Variants in ITPK1 observed in about 807,000 individuals in gnomAD.
ITPK1 encodes the protein inositol-tetrakisphosphate 1-kinase.
Under a neutral mutation model 45.3 loss-of-function variants are expected in ITPK1, and 21 were observed. That is an observed-to-expected ratio of 0.46 (90% CI 0.33 to 0.67). The LOEUF (loss-of-function observed/expected upper bound fraction) is 0.67. Ranked by LOEUF, ITPK1 falls within the 30% of genes least tolerant of loss-of-function variation. The pLI, the probability that ITPK1 is intolerant of heterozygous loss-of-function variation, is 0.02. For synonymous variants in ITPK1, 258 were observed against 253.6 expected (o/e 1.02, Z -0.16); for missense variants, 474 against 573.5 (o/e 0.83, Z 1.77).
chr14:92,964,252 C>T (rs1885231830), intron 5 of ITPK1, among the ~76,000 whole-genome samples: 1 of 152,180 alleles, frequency 6.6e-6, no homozygotes. Context: ...GACAGTGTTG[C>T]AGGCCCTCTG....
chr14:92,975,038 T>C (rs187507296), intron 5 of ITPK1, among the ~76,000 whole-genome samples: 264 of 152,286 alleles, frequency 1.7e-3, no homozygotes, highest in Non-Finnish European at 3.2e-3. Flanking sequence ...CTCCTGAGTG[T>C]TGGCATGCCT....
At chr14:92,984,232 AG>A (rs1886380262) in intron 5 of ITPK1, among the ~76,000 whole-genome samples, 1 of 152,232 alleles carries the variant, frequency 6.6e-6, no homozygotes, top group South Asian at 2.1e-4. Flanking sequence ...ACACTAATAC[AG>A]GGAACTCAAG....
chr14:92,955,396 G>A (rs1343676182), intron 8 of ITPK1, among the ~76,000 whole-genome samples: 2 of 152,212 alleles, frequency 1.3e-5, no homozygotes, highest in Admixed American at 6.5e-5. Flanking sequence ...GAGGGAACCT[G>A]CATAAAGCTG....
intron 2 of ITPK1, among the ~76,000 whole-genome samples, chr14:93,106,150 C>G (rs757273945): frequency 1.3e-5 from 2 of 152,044 alleles, no homozygotes; most frequent in African/African-American, 2.4e-5. Context: ...GAAAGGTCAG[C>G]TGACCCACCC....
intron 5 of ITPK1, among the ~76,000 whole-genome samples, chr14:92,981,582 T>G (rs1343304245): frequency 6.6e-6 from 1 of 152,066 alleles, no homozygotes; most frequent in African/African-American, 2.4e-5. Context: ...GCTCAGAGCC[T>G]CCCCCAGTGC....
At chr14:92,964,192 T>TG (rs1885229007) in intron 5 of ITPK1, among the ~76,000 whole-genome samples, 1 of 152,222 alleles carries the variant, frequency 6.6e-6, no homozygotes, top group African/African-American at 2.4e-5. Flanking sequence ...GCAGTTTCTC[T>TG]GGGGCACTGG....
rs1242595385 is a variant in ITPK1 at position 93,036,519 on chromosome 14, C to T, written c.121-19718G>A. Among the ~76,000 whole-genome samples, 2 of 151,954 alleles carry T rather than the reference C, an allele frequency of 1.3e-5. No homozygotes were observed. Among genetic ancestry groups the T allele is most frequent in the African/African-American group, 2.4e-5 (1 of 41,348 alleles). On this transcript the variant is annotated intron_variant, in intron 3 of 10. Coordinates refer to ENST00000267615, the MANE Select transcript of ITPK1 (RefSeq NM_014216.6). The surrounding 1 kb of genome is among the most constrained non-coding windows in gnomAD (Gnocchi z 4.1). ...GGTGGGAGCACGTGCCCCATTTGAC[C>T]CCCACGGCTCTTGCTGTTTGCTGGT...
At chr14:93,056,251 C>G (rs1890210972) in intron 3 of ITPK1, among the ~76,000 whole-genome samples, 1 of 152,138 alleles carries the variant, frequency 6.6e-6, no homozygotes, top group Non-Finnish European at 1.5e-5. Flanking sequence ...GGGAAGGAGT[C>G]AGAAAGATCA....
intron 5 of ITPK1, among the ~76,000 whole-genome samples, chr14:92,971,685 C>T (rs1376131811): frequency 2.0e-5 from 3 of 152,182 alleles, no homozygotes; most frequent in African/African-American, 4.8e-5. Context: ...GCAGGGAAAG[C>T]CCAGGAAGCA....
Position 93,063,685 on chromosome 14 carries a change from C to T in ITPK1, c.120+12910G>A, listed in dbSNP as rs754505422. 1.9e-4 allele frequency among the ~76,000 whole-genome samples: 29 copies of T among 152,152 alleles called. No homozygotes were observed. Among genetic ancestry groups the T allele is most frequent in the African/African-American group, 6.8e-4 (28 of 41,420 alleles). On this transcript the variant is annotated intron_variant, in intron 3 of 10. Transcript: ENST00000267615. This position sits in a 1 kb window ranked among gnomAD's most constrained non-coding sequence, Gnocchi z 4.3. ...CTCACCAGGCAGGCAGTCTTCGGAG[C>T]AGAAGAGGCACTGGCTATGCCATCA...
intron 4 of ITPK1, among the ~76,000 whole-genome samples, chr14:92,995,035 C>T (rs1886979353): frequency 6.6e-6 from 1 of 152,122 alleles, no homozygotes; most frequent in African/African-American, 2.4e-5. Context: ...CACCTACAAG[C>T]CAAGGAGGGT....
At chr14:93,080,796 G>A (rs1448391400) in intron 2 of ITPK1, among the ~76,000 whole-genome samples, 1 of 152,092 alleles carries the variant, frequency 6.6e-6, no homozygotes, top group Non-Finnish European at 1.5e-5. Flanking sequence ...GAGTACAGTG[G>A]CATGATCTCA....
At chr14:92,945,166 T>C (rs1258622722) in intron 10 of ITPK1, among the ~76,000 whole-genome samples, 1 of 152,236 alleles carries the variant, frequency 6.6e-6, no homozygotes, top group Non-Finnish European at 1.5e-5. Context: ...TCAAGCTGCA[T>C]CAGCATCTGG....
intron 3 of ITPK1, chr14:93,071,523 C>T (rs1891004242): frequency 6.6e-6 from 1 of 152,202 alleles, no homozygotes; most frequent in East Asian, 1.9e-4. Context: ...CATCATAAGT[C>T]TAAATACTTG....
intron 7 of ITPK1, among the ~76,000 whole-genome samples, chr14:92,959,226 GC>G (rs1884921569): frequency 6.6e-6 from 1 of 152,218 alleles, no homozygotes; most frequent in Non-Finnish European, 1.5e-5. Flanking sequence ...AGAGGGGTGG[GC>G]CCTAGGCCTA....
intron 2 of ITPK1, among the ~76,000 whole-genome samples, chr14:93,088,733 G>A (rs1325817374): frequency 2.0e-5 from 3 of 152,070 alleles, no homozygotes; most frequent in Non-Finnish European, 4.4e-5. Context: ...CCAGGCTCAA[G>A]CAATCCTCCC....
At chr14:93,054,152 T>G (rs1378504659) in intron 3 of ITPK1, among the ~76,000 whole-genome samples, 1 of 152,106 alleles carries the variant, frequency 6.6e-6, no homozygotes, top group African/African-American at 2.4e-5. Flanking sequence ...CACTTAGAGG[T>G]AGAGTCCCCA....
In ITPK1 at chr14:93,076,299, C is replaced by G. The variant is rs2139982760; in HGVS notation, c.120+296G>C. ...AGCTGGGTGCCTACTGCCCCCTCAC[C>G]CTTCCCACACCCACCCTAACCTGAC... On this transcript the variant is annotated intron_variant, in intron 3 of 10. Transcript: ENST00000267615. The surrounding 1 kb of genome is among the most constrained non-coding windows in gnomAD (Gnocchi z 4.3). 6.6e-6 allele frequency among the ~76,000 whole-genome samples: 1 copy of G among 152,086 alleles called. No individual in the cohort carries two copies. The highest frequency in any genetic ancestry group is 1.9e-4 in the East Asian group (1 of 5,186).
At chr14:92,946,565 C>T (rs918226395) in intron 9 of ITPK1, 72 bp from the exon 10 acceptor site, 16 of 1,447,694 alleles carry the variant, frequency 1.1e-5, no homozygotes, top group African/African-American at 2.8e-5. Context: ...GACAGACCCC[C>T]CACACCAGCT....
Sources: gnomAD v4.1 joint callset for allele counts (sites outside exome capture counted in the v4.1 genomes callset) on GRCh38, gnomAD v4.1.1 for gene constraint, Gnocchi (gnomAD v3.1) non-coding constraint, MANE v1.5 for transcripts, NCBI Gene and HGNC (gene_info 2026-07-23, HGNC 2026-07-21) for gene names.